The following GRM7 variants were observed in gnomAD, a reference collection of about 807,000 sequenced individuals.
GRM7 encodes glutamate metabotropic receptor 7, also known as metabotropic glutamate receptor 7.
Under a neutral mutation model 84.5 loss-of-function variants are expected in GRM7, and 35 were observed. The ratio of observed to expected loss-of-function variants is 0.41; its 90% CI spans 0.32 to 0.55. The LOEUF (loss-of-function observed/expected upper bound fraction) is 0.55. Among genes scored for constraint, GRM7 ranks in the 20% least tolerant of loss-of-function variants. GRM7 has a pLI of 0.19. For synonymous variants in GRM7, 487 were observed against 455.1 expected (o/e 1.07, Z -0.89); for missense variants, 1,003 against 1,194.6 (o/e 0.84, Z 2.36).
At chr3:7,532,847 G>C (rs1361779779) in intron 7 of GRM7, among the ~76,000 whole-genome samples, 1 of 129,892 alleles carries the variant, frequency 7.7e-6, no homozygotes, top group Non-Finnish European at 1.6e-5. Flanking sequence ...CCTAGTCTCT[G>C]ATAAAACAGA....
rs1217415540 is a variant in GRM7 at position 7,572,852 on chromosome 3, ATATATATATATATATATATATATATAT to A, written c.1516-5569_1516-5543del. ...TATATATATATATATATATATATAT[ATATATATATATATATATATATATATAT>A]AAATAATCTTTCTACCTATAATAAT... On this transcript the variant is annotated intron_variant, in intron 7 of 9. Transcript: ENST00000357716. Among the ~76,000 whole-genome samples the A allele has an allele frequency of 2.1e-4, 9 of 43,526 alleles. 1 individual carries two copies. The highest frequency in any genetic ancestry group is 3.4e-4 in the Non-Finnish European group (7 of 20,418). 28.6% of individuals were successfully genotyped at this position (43,526 alleles called of 152,430 possible).
At chr3:6,934,818 C>T (rs1331537003) in intron 1 of GRM7, among the ~76,000 whole-genome samples, 2 of 151,956 alleles carry the variant, frequency 1.3e-5, no homozygotes, top group South Asian at 2.1e-4. Context: ...GAGAAGGACT[C>T]CTAGATTTTT....
intron 1 of GRM7, among the ~76,000 whole-genome samples, chr3:6,949,398 G>T (rs1276406366): frequency 6.6e-6 from 1 of 152,078 alleles, no homozygotes; most frequent in Non-Finnish European, 1.5e-5. Flanking sequence ...CTCTCTTCTG[G>T]CTTGTAGAGT....
chr3:6,978,095 G>C (rs915128453), intron 1 of GRM7, among the ~76,000 whole-genome samples: 13 of 152,162 alleles, frequency 8.5e-5, no homozygotes, highest in Non-Finnish European at 1.5e-5. Flanking sequence ...GGATTTTGAA[G>C]TGAGAACATC....
chr3:7,038,490 A>G (rs1443426644), intron 1 of GRM7, among the ~76,000 whole-genome samples: 1 of 152,232 alleles, frequency 6.6e-6, no homozygotes, highest in Admixed American at 6.5e-5. Flanking sequence ...GCGGCTGCCT[A>G]TGAAAATCCT....
intron 1 of GRM7, among the ~76,000 whole-genome samples, chr3:6,973,995 T>C (rs1693881322): frequency 6.6e-6 from 1 of 152,170 alleles, no homozygotes; most frequent in African/African-American, 2.4e-5. Flanking sequence ...CCAGCTCCTA[T>C]AAAAAGCCAG....
chr3:7,269,869 C>G (rs1041542564), intron 2 of GRM7, among the ~76,000 whole-genome samples: 6 of 152,154 alleles, frequency 3.9e-5, no homozygotes, highest in Non-Finnish European at 5.9e-5. Context: ...GGCATTTTTA[C>G]TCCTGCTGTT....
At chr3:7,054,203 C>G (rs569296295) in intron 1 of GRM7, among the ~76,000 whole-genome samples, 2 of 150,006 alleles carry the variant, frequency 1.3e-5, no homozygotes, top group African/African-American at 4.9e-5. Context: ...TTCCTTAAGA[C>G]TTTCAAAATA....
At chr3:7,714,003 T>C (rs1413958693) in intron 9 of GRM7, among the ~76,000 whole-genome samples, 2 of 152,192 alleles carry the variant, frequency 1.3e-5, no homozygotes, top group East Asian at 3.9e-4. Flanking sequence ...GGCCTTGTGA[T>C]GCAAAATTGA....
intron 4 of GRM7, among the ~76,000 whole-genome samples, chr3:7,374,866 T>G (rs1694282522): frequency 6.6e-6 from 1 of 152,132 alleles, no homozygotes. Flanking sequence ...GATAGTGAAC[T>G]AATGATTTCA....
chr3:7,290,179 C>T (rs898921843), intron 2 of GRM7, among the ~76,000 whole-genome samples: 19 of 151,990 alleles, frequency 1.3e-4, no homozygotes, highest in Admixed American at 8.5e-4. Flanking sequence ...GAAAGTAACT[C>T]ACAAAGTATC....
intron 2 of GRM7, among the ~76,000 whole-genome samples, chr3:7,185,555 G>A (rs567137014): frequency 1.4e-4 from 21 of 152,248 alleles, no homozygotes; most frequent in African/African-American, 5.1e-4. Flanking sequence ...AACCAATGAT[G>A]GTGAGCCTAT....
At chr3:7,698,985 G>A (rs1701121503) in intron 9 of GRM7, among the ~76,000 whole-genome samples, 1 of 152,180 alleles carries the variant, frequency 6.6e-6, no homozygotes, top group Non-Finnish European at 1.5e-5. Flanking sequence ...ACTGGGGCGG[G>A]AAGTATTGTC....
chr3:6,999,581 C>T (rs987114755), intron 1 of GRM7, among the ~76,000 whole-genome samples: 1 of 152,154 alleles, frequency 6.6e-6, no homozygotes, highest in African/African-American at 2.4e-5. Flanking sequence ...ACATCTGAGA[C>T]TGGGTAATTT....
At chr3:7,114,848 G>T (rs967028411) in intron 1 of GRM7, among the ~76,000 whole-genome samples, 1 of 151,954 alleles carries the variant, frequency 6.6e-6, no homozygotes, top group Non-Finnish European at 1.5e-5. Context: ...TCCTTTCATC[G>T]CTGATCTCAG....
intron 8 of GRM7, among the ~76,000 whole-genome samples, chr3:7,610,824 A>G (rs1019286781): frequency 1.3e-5 from 2 of 152,188 alleles, no homozygotes; most frequent in Non-Finnish European, 2.9e-5. Context: ...TCATCACACT[A>G]TGCACTGGAG....
chr3:7,589,554 G>A (rs893331092), intron 8 of GRM7, among the ~76,000 whole-genome samples: 3 of 152,168 alleles, frequency 2.0e-5, no homozygotes, highest in African/African-American at 7.2e-5. Context: ...ACAGTCCTTG[G>A]ACTGAAATCT....
intron 4 of GRM7, among the ~76,000 whole-genome samples, chr3:7,365,883 T>C (rs953261043): frequency 3.3e-5 from 5 of 151,384 alleles, no homozygotes; most frequent in Admixed American, 3.3e-4. Context: ...TCTGTGGAAT[T>C]GTGGCTACAA....
intron 7 of GRM7, among the ~76,000 whole-genome samples, chr3:7,532,534 G>C (rs999752908): frequency 2.0e-5 from 3 of 151,864 alleles, no homozygotes. Flanking sequence ...AGTCTGGCTA[G>C]CAGTCTATCA....
Sources: gnomAD v4.1 joint callset for allele counts (sites outside exome capture counted in the v4.1 genomes callset) on GRCh38, gnomAD v4.1.1 for gene constraint, MANE v1.5 for transcripts, NCBI Gene and HGNC (gene_info 2026-07-23, HGNC 2026-07-21) for gene names.